RNGTT: variants seen among roughly 807,000 people sequenced by gnomAD.
The protein encoded by RNGTT is RNA guanylyltransferase and 5'-phosphatase.
In RNGTT, 33 loss-of-function variants were observed where a neutral mutation model predicts 79.3. The ratio of observed to expected loss-of-function variants is 0.42; its 90% CI spans 0.32 to 0.56. The LOEUF is 0.56. RNGTT is among the 20% of genes least tolerant of loss of function. The pLI is 0.17. For missense variants in RNGTT, 497 were observed against 739.1 expected (o/e 0.67, Z 3.80); for synonymous variants, 222 against 235.9 (o/e 0.94, Z 0.54).
chr6:88,941,695 G>A (rs904919018), intron 1 of RNGTT, among the ~76,000 whole-genome samples: 27 of 144,496 alleles, frequency 1.9e-4, no homozygotes, highest in Admixed American at 4.9e-4. Flanking sequence ...ACGGAGTCTC[G>A]CTCTGTAGCC....
chr6:88,886,965 C>T (rs374238755), intron 8 of RNGTT, among the ~76,000 whole-genome samples: 3 of 148,178 alleles, frequency 2.0e-5, no homozygotes, highest in African/African-American at 5.0e-5. Context: ...AATCCCAGTA[C>T]TTCAGGAGGC....
At chr6:88,749,663 T>C (rs1332246906) in intron 13 of RNGTT, among the ~76,000 whole-genome samples, 1 of 151,978 alleles carries the variant, frequency 6.6e-6, no homozygotes, top group Non-Finnish European at 1.5e-5. Context: ...TCCAGATAAA[T>C]GCTGTTCACA....
chr6:88,854,652 C>A (rs1156811637), intron 8 of RNGTT, among the ~76,000 whole-genome samples: 1 of 152,188 alleles, frequency 6.6e-6, no homozygotes, highest in East Asian at 1.9e-4. Context: ...CTTTTCTTCT[C>A]ATTTATGACT....
intron 11 of RNGTT, 59 bp from the exon 12 acceptor site, chr6:88,801,691 A>G: frequency 8.7e-7 from 1 of 1,143,660 alleles, no homozygotes; most frequent in South Asian, 1.3e-5. Flanking sequence ...AAAAGTATTT[A>G]AACTTCTTGC....
chr6:88,712,050 A>G (rs533446805), intron 13 of RNGTT, among the ~76,000 whole-genome samples: 1 of 152,218 alleles, frequency 6.6e-6, no homozygotes, highest in African/African-American at 2.4e-5. Context: ...GAATAAAAAC[A>G]AAATCAACAT....
chr6:88,795,796 C>T (rs1779583227), intron 12 of RNGTT, among the ~76,000 whole-genome samples: 1 of 152,114 alleles, frequency 6.6e-6, no homozygotes, highest in African/African-American at 2.4e-5. Flanking sequence ...AAGGGACCCT[C>T]GCAATACTGC....
intron 11 of RNGTT, among the ~76,000 whole-genome samples, chr6:88,828,345 A>G (rs1260087129): frequency 6.6e-6 from 1 of 152,220 alleles, no homozygotes; most frequent in Non-Finnish European, 1.5e-5. Flanking sequence ...GAATAGCATC[A>G]ACATCAACAA....
intron 6 of RNGTT, among the ~76,000 whole-genome samples, chr6:88,903,494 C>A (rs567661899): frequency 6.6e-6 from 1 of 152,136 alleles, no homozygotes; most frequent in African/African-American, 2.4e-5. Context: ...ATATCTAAAT[C>A]CAGGAAATAA....
intron 13 of RNGTT, among the ~76,000 whole-genome samples, chr6:88,687,663 G>A (rs1029731393): frequency 6.6e-6 from 1 of 152,000 alleles, no homozygotes; most frequent in African/African-American, 2.4e-5. Flanking sequence ...TGTGTTAAGT[G>A]AAAAAAAGAA....
At chr6:88,747,466 G>C (rs1777699055) in intron 13 of RNGTT, among the ~76,000 whole-genome samples, 1 of 152,124 alleles carries the variant, frequency 6.6e-6, no homozygotes. Context: ...TAAGAGTTAG[G>C]CCTTATACTA....
chr6:88,753,124 A>G (rs1158970900), intron 13 of RNGTT, among the ~76,000 whole-genome samples: 2 of 152,176 alleles, frequency 1.3e-5, no homozygotes, highest in African/African-American at 4.8e-5. Context: ...GTAATTATAT[A>G]TTTTTGCAAA....
At chr6:88,666,879 AC>A (rs1349544206) in intron 14 of RNGTT, among the ~76,000 whole-genome samples, 3 of 152,186 alleles carry the variant, frequency 2.0e-5, no homozygotes, top group Admixed American at 6.5e-5. Flanking sequence ...AAGACTGTAA[AC>A]ATTTATACTG....
At chr6:88,646,223 C>T (rs1388213985) in intron 14 of RNGTT, among the ~76,000 whole-genome samples, 4 of 152,214 alleles carry the variant, frequency 2.6e-5, no homozygotes, top group Non-Finnish European at 4.4e-5. Context: ...GACATTTATG[C>T]AGCCAGCAGA....
At chr6:88,815,548 T>C (rs940269954) in intron 11 of RNGTT, among the ~76,000 whole-genome samples, 5 of 152,296 alleles carry the variant, frequency 3.3e-5, no homozygotes, top group South Asian at 4.1e-4. Context: ...GCAAGGACCA[T>C]GCGGTTGGCC....
In RNGTT at chr6:88,814,703, G is replaced by C. The variant is rs78204591; in HGVS notation, c.1270-13071C>G. Among the ~76,000 whole-genome samples, 839 of 152,088 alleles carry C rather than the reference G, an allele frequency of 5.5e-3. 7 individuals carry two copies. The highest frequency in any genetic ancestry group is 0.018 in the African/African-American group (726 of 41,468). On this transcript the variant is annotated intron_variant, in intron 11 of 15. Coordinates refer to ENST00000369485, the MANE Select transcript of RNGTT (RefSeq NM_003800.5). ...AATATACGAATACAATGGATATTTGGCCATAAATACATAATGCAGTAAAAA... is the reference window on the plus strand; with the variant it reads ...AATATACGAATACAATGGATATTTGCCCATAAATACATAATGCAGTAAAAA...
At chr6:88,846,448 C>T (rs150993139) in intron 10 of RNGTT, among the ~76,000 whole-genome samples, 1 of 152,072 alleles carries the variant, frequency 6.6e-6, no homozygotes, top group African/African-American at 2.4e-5. Flanking sequence ...CCTTACCATC[C>T]GTCAAGTATA....
intron 13 of RNGTT, among the ~76,000 whole-genome samples, chr6:88,683,878 G>A (rs553841939): frequency 2.0e-5 from 3 of 151,964 alleles, no homozygotes; most frequent in African/African-American, 4.8e-5. Flanking sequence ...AGCTGGGCAC[G>A]GTGGCATGTG....
chr6:88,804,760 A>G (rs1339377281), intron 11 of RNGTT, among the ~76,000 whole-genome samples: 1 of 151,438 alleles, frequency 6.6e-6, no homozygotes, highest in Non-Finnish European at 1.5e-5. Flanking sequence ...CATCTTCCAT[A>G]TATCAGTATC....
intron 10 of RNGTT, 147 bp from the exon 11 acceptor site, chr6:88,844,668 C>A: frequency 1.6e-6 from 1 of 634,252 alleles, no homozygotes; most frequent in Non-Finnish European, 2.6e-6. Flanking sequence ...AACATATATA[C>A]CAACCCTAAT....
Sources: gnomAD v4.1 joint callset for allele counts (sites outside exome capture counted in the v4.1 genomes callset) on GRCh38, gnomAD v4.1.1 for gene constraint, MANE v1.5 for transcripts, NCBI Gene and HGNC (gene_info 2026-07-23, HGNC 2026-07-21) for gene names.